The following COL17A1 variants were observed in gnomAD, a reference collection of about 807,000 sequenced individuals.
COL17A1 encodes the protein collagen alpha-1(XVII) chain.
A neutral mutation model predicts 218.4 loss-of-function variants in COL17A1; 181 were observed. That is an observed-to-expected ratio of 0.83 (90% CI 0.73 to 0.94). The LOEUF is 0.94. Among genes scored for constraint, COL17A1 ranks in the 40% least tolerant of loss-of-function variants. The pLI, the probability that COL17A1 is intolerant of heterozygous loss-of-function variation, is 0.00. For missense variants in COL17A1, 1,924 were observed against 1,945.9 expected (o/e 0.99, Z 0.21); for synonymous variants, 721 against 731.0 (o/e 0.99, Z 0.22).
Position 104,035,276 on chromosome 10 carries a change from C to G in COL17A1, c.3606G>C (p.Ser1202=), listed in dbSNP as rs373052369. Residue 1202 remains serine, a synonymous_variant, in exon 50 of 56, where the codon TCG becomes TCC. Coordinates refer to ENST00000648076, the MANE Select transcript of COL17A1 (RefSeq NM_000494.4). ...VWSSISVEDL[S]SYLHTAGLSF... ...ACAGTGCCCTACTATGTAAGTAAGA[C>G]GAGAGGTCCTCCACGCTGATGCTGG... is the stretch of plus-strand genomic sequence containing the variant. 15 of 1,613,540 alleles carry G rather than the reference C, an allele frequency of 9.3e-6. No homozygotes were observed. Among genetic ancestry groups the G allele is most frequent in the Non-Finnish European group, 1.2e-5 (14 of 1,179,796 alleles).
chr10:104,074,058 G>A (rs1240814238), intron 6 of COL17A1, 126 bp downstream of exon 6: 1 of 1,457,080 alleles, frequency 6.9e-7, no homozygotes, highest in East Asian at 2.3e-5. Flanking sequence ...GGTCAGCAGG[G>A]GTCAAACTCT....
intron 19 of COL17A1, 128 bp downstream of exon 19, chr10:104,055,243 GA>G (rs2086509025): frequency 1.3e-6 from 2 of 1,520,938 alleles, no homozygotes; most frequent in African/African-American, 1.4e-5. Flanking sequence ...CCTCCCAACA[GA>G]TACCATAAGA....
rs2086336586 is a variant in COL17A1 at position 104,039,529 on chromosome 10, A to G, written c.2822-10T>C. On this transcript the variant is annotated splice_polypyrimidine_tract_variant and intron_variant, in intron 42 of 55. Transcript: ENST00000648076. ...CCGAAAGAACTGGACCCTGGAAGCC[A>G]ACAACACACACAGTGCAGTCAGCCA... 2.5e-6 allele frequency: 4 copies of G among 1,614,142 alleles called. No homozygotes were observed. The highest frequency in any genetic ancestry group is 1.1e-5 in the South Asian group (1 of 91,080).
chr10:104,075,783 C>G lies in COL17A1; in HGVS notation c.331+518G>C, dbSNP rs79099077. ...TTAAGCCCTGGGCTCTCCTGGCTGT[C>G]TTTGCTTATGCTGCTGCTCCCACAG... On this transcript the variant is annotated intron_variant, in intron 5 of 55. Transcript: ENST00000648076. Among the ~76,000 whole-genome samples the G allele has an allele frequency of 1.7e-3, 264 of 152,362 alleles. 1 individual carries two copies. The East Asian group carries it at 0.02, about 12-fold the overall frequency.
Position 104,037,097 on chromosome 10 carries a change from G to GAC in COL17A1, c.3223_3224dup (p.Leu1077AlafsTer29). 3 of 1,606,784 alleles carry GAC rather than the reference G, an allele frequency of 1.9e-6. No homozygotes were observed. The highest frequency in any genetic ancestry group is 1.7e-6 in the Non-Finnish European group (2 of 1,177,062). On this transcript the variant is annotated frameshift_variant, in exon 47 of 56. Coordinates refer to ENST00000648076, the MANE Select transcript of COL17A1 (RefSeq NM_000494.4). LOFTEE classifies it high-confidence loss of function. ...AAGAGATGGAGGACGAGAACAAGCTGACACCGTACCCCGAAGCTGTCGGGA... is the reference window on the plus strand; with the variant it reads ...AAGAGATGGAGGACGAGAACAAGCTGACACACCGTACCCCGAAGCTGTCGGGA...
intron 48 of COL17A1, among the ~76,000 whole-genome samples, chr10:104,035,921 AGTGT>A (rs1160297790): frequency 9.4e-5 from 7 of 74,638 alleles, no homozygotes; most frequent in African/African-American, 3.2e-4. Context: ...AGTGTGTATG[AGTGT>A]GTGTGTATGG....
chr10:104,067,652 G>A (rs1030006756), intron 9 of COL17A1, among the ~76,000 whole-genome samples: 1 of 152,114 alleles, frequency 6.6e-6, no homozygotes, highest in Non-Finnish European at 1.5e-5. Context: ...CAAGGGAGCC[G>A]GCTGTGCAGC....
chr10:104,071,942 A>G (rs765840954), intron 8 of COL17A1, 90 bp downstream of exon 8: 1 of 1,529,850 alleles, frequency 6.5e-7, no homozygotes, highest in Admixed American at 1.7e-5. Flanking sequence ...GCATGCATGC[A>G]CACACACACG....
chr10:104,056,510 A>G (rs886270890), intron 17 of COL17A1, among the ~76,000 whole-genome samples: 3 of 152,050 alleles, frequency 2.0e-5, no homozygotes, highest in Admixed American at 6.6e-5. Context: ...TGAACTCAGG[A>G]GGCGGAGGTT....
intron 33 of COL17A1, among the ~76,000 whole-genome samples, chr10:104,045,253 A>G (rs564978113): frequency 6.6e-6 from 1 of 152,260 alleles, no homozygotes; most frequent in South Asian, 2.1e-4. Context: ...CCCTCTCAGT[A>G]GCATCTTAAC....
In COL17A1 at chr10:104,032,269, C is replaced by T. The variant is rs148509618; in HGVS notation, c.4460G>A (p.Arg1487Gln). 74 of 1,614,004 alleles carry T rather than the reference C, an allele frequency of 4.6e-5. No homozygotes were observed. The highest frequency in any genetic ancestry group is 4.3e-4 in the African/African-American group (32 of 75,044). Residue 1487 changes from arginine (R) to glutamine (Q), a missense_variant, in exon 56 of 56, where the codon CGG (arginine) becomes CAG (glutamine). Physicochemically the swap from Arg to Gln is conservative, Grantham distance 43 (BLOSUM62 1). Coordinates refer to ENST00000648076, the MANE Select transcript of COL17A1 (RefSeq NM_000494.4). ...GDKGDQVYAGRRRRRSIAVKP is the reference protein window; with the variant it reads ...GDKGDQVYAGQRRRRSIAVKP Reference sequence around the variant, plus strand: ...GACAGCAATACTTCTTCTCCTTCTCCGCCCAGCATAGACTTGGTCACCTGA... The same window carrying T: ...GACAGCAATACTTCTTCTCCTTCTCTGCCCAGCATAGACTTGGTCACCTGA...
chr10:104,080,468 C>A (rs747142279), intron 2 of COL17A1, among the ~76,000 whole-genome samples, 154 bp downstream of exon 2: 28 of 152,174 alleles, frequency 1.8e-4, no homozygotes, highest in Non-Finnish European at 7.4e-5. Flanking sequence ...TCAACAAGAG[C>A]TGTCTTATGA....
Position 104,038,483 on chromosome 10 carries a change from G to T in COL17A1, c.2993C>A (p.Pro998His), listed in dbSNP as rs771191466. Residue 998 changes from proline (P) to histidine (H), a missense_variant, in exon 45 of 56, where the codon CCT becomes CAT. Transcript: ENST00000648076. The part of the protein sequence containing the change: ...TMYVSGPPGP[P>H]GPPGPPGSIS... Reference sequence around the variant, plus strand: ...AGAGCCCGGAGGCCCAGGGGGCCCAGGGGGCCCTGGCGGGCCTGACACGTA... The same window carrying T: ...AGAGCCCGGAGGCCCAGGGGGCCCATGGGGCCCTGGCGGGCCTGACACGTA... The T allele has an allele frequency of 1.9e-6, 3 of 1,613,494 alleles. No homozygotes were observed. The highest frequency in any genetic ancestry group is 2.5e-6 in the Non-Finnish European group (3 of 1,179,824).
At chr10:104,085,377 T>C (rs7075947) in intron 1 of COL17A1, among the ~76,000 whole-genome samples, 4,311 of 152,224 alleles carry the variant, frequency 0.028, 212 homozygotes, top group African/African-American at 0.098. Context: ...GAAACTGAGA[T>C]TGGGAGAGAA....
chr10:104,062,396 C>G, intron 11 of COL17A1, 67 bp from the exon 12 acceptor site: 1 of 1,606,082 alleles, frequency 6.2e-7, no homozygotes, highest in Non-Finnish European at 8.5e-7. Flanking sequence ...TTAGGACGGC[C>G]CCCAGAGTCC....
Position 104,036,559 on chromosome 10 carries a change from ACTGGCTCCTGGTGGCC to A in COL17A1, c.3335_3350del (p.Gly1112ValfsTer14). 6.2e-7 allele frequency: 1 copy of A among 1,613,970 alleles called. No individual in the cohort carries two copies. The highest frequency in any genetic ancestry group is 8.5e-7 in the Non-Finnish European group (1 of 1,179,922). On this transcript the variant is annotated frameshift_variant, in exon 48 of 56. Coordinates refer to ENST00000648076, the MANE Select transcript of COL17A1 (RefSeq NM_000494.4). LOFTEE classifies it high-confidence loss of function. Reference sequence around the variant, plus strand: ...CCAAAGACAGGAGGGACCCATCTCCACTGGCTCCTGGTGGCCCTGGCGGACCCCGAGGGCCCATCAA... The same window carrying A: ...CCAAAGACAGGAGGGACCCATCTCCACTGGCGGACCCCGAGGGCCCATCAA...
In COL17A1 at chr10:104,041,082, G is replaced by A. The variant is rs760109253; in HGVS notation, c.2684C>T (p.Ser895Leu). ...GACATTACCTGAGTTGGACAGGAAC[G>A]ATCCTGGTGGGCCTGGTGGGCCTGG... is the stretch of plus-strand genomic sequence containing the variant. ...GLPGPPGPPG[S>L]FLSNSETFLS... Residue 895 changes from serine to leucine, a missense_variant, in exon 39 of 56, where the codon TCG becomes TTG. Coordinates refer to ENST00000648076, the MANE Select transcript of COL17A1 (RefSeq NM_000494.4). The A allele has an allele frequency of 5.6e-6, 9 of 1,614,076 alleles. No homozygotes were observed. The highest frequency in any genetic ancestry group is 4.0e-5 in the African/African-American group (3 of 74,922).
At chr10:104,074,014 A>G (rs2086688828) in intron 6 of COL17A1, 170 bp downstream of exon 6, 5 of 974,774 alleles carry the variant, frequency 5.1e-6, no homozygotes, top group Non-Finnish European at 8.0e-6. Context: ...TAGTCCCCTT[A>G]ATATGCTTCA....
Position 104,064,484 on chromosome 10 carries a change from G to A in COL17A1, c.720C>T (p.Thr240=). Residue 240 remains threonine (T), a synonymous_variant, in exon 10 of 56, where the codon ACC becomes ACT. Transcript: ENST00000648076. ...SMGTYHNNMT[T]QSSSLLNTNA... is the part of the protein sequence containing the mutation. ...TGGTGTTGAGGAGGGATGAGCTCTG[G>A]GTTGTCATGTTGTTGTGATAGGTCC... 1 of 1,614,216 alleles carries A rather than the reference G, an allele frequency of 6.2e-7. No individual in the cohort carries two copies. The highest frequency in any genetic ancestry group is 8.5e-7 in the Non-Finnish European group (1 of 1,180,044).
Sources: allele counts gnomAD v4.1 joint callset (sites outside exome capture counted in the v4.1 genomes callset), GRCh38; gene constraint gnomAD v4.1.1; transcripts MANE v1.5; gene names NCBI Gene and HGNC (gene_info 2026-07-23, HGNC 2026-07-21).